FREM1: variants seen among roughly 807,000 people sequenced by gnomAD.
FREM1 encodes FRAS1 related extracellular matrix 1, also known as FRAS1-related extracellular matrix protein 1.
Under a neutral mutation model 210.1 loss-of-function variants are expected in FREM1, and 220 were observed. That is an observed-to-expected ratio of 1.05 (90% CI 0.94 to 1.17). The LOEUF (loss-of-function observed/expected upper bound fraction) is 1.17, where lower values mean the gene tolerates loss of function less well. FREM1 is among the 50% of genes most tolerant of loss of function. The pLI is 0.00. For missense variants in FREM1, 3,454 were observed against 2,675.5 expected, an observed-to-expected ratio of 1.29 and a Z score of -6.42; for synonymous variants, 1,189 against 980.2, an observed-to-expected ratio of 1.21 and a Z score of -3.98.
chr9:14,764,564 C>T (rs572776169), intron 27 of FREM1, among the ~76,000 whole-genome samples: 1 of 152,230 alleles, frequency 6.6e-6, no homozygotes, highest in South Asian at 2.1e-4. Context: ...CTAAGGCATG[C>T]GTGTAATTCT....
intron 1 of FREM1, among the ~76,000 whole-genome samples, chr9:14,894,006 A>T (rs561011472): frequency 6.6e-6 from 1 of 152,324 alleles, no homozygotes; most frequent in South Asian, 2.1e-4. Flanking sequence ...ATAAAAATTT[A>T]TGAGAATCTT....
At chr9:14,892,647 A>G (rs964000330) in intron 1 of FREM1, among the ~76,000 whole-genome samples, 3 of 152,204 alleles carry the variant, frequency 2.0e-5, no homozygotes, top group Middle Eastern at 6.8e-3. Flanking sequence ...AGGCATGTAC[A>G]GGATCATGGG....
chr9:14,745,091 C>T (rs1842180460), intron 35 of FREM1, among the ~76,000 whole-genome samples: 1 of 152,070 alleles, frequency 6.6e-6, no homozygotes, highest in Non-Finnish European at 1.5e-5. Flanking sequence ...TAGAGGGGAA[C>T]AACGCACAGT....
Position 14,807,334 on chromosome 9 carries a change from G to C in FREM1, c.3089-488C>G, listed in dbSNP as rs757125924. Among the ~76,000 whole-genome samples the C allele has an allele frequency of 8.8e-4, 134 of 152,164 alleles. 2 individuals carry two copies. The highest frequency in any genetic ancestry group is 5.5e-3 in the Admixed American group (84 of 15,296). The stretch of plus-strand genomic sequence containing the variant: ...TGCTCATAACGAAGAGTTTTTTCGT[G>C]GCTTGATGCTTAATTATTCTGCTGG... On this transcript the variant is annotated intron_variant, in intron 17 of 36. Coordinates refer to ENST00000380880, the MANE Select transcript of FREM1 (RefSeq NM_001379081.2).
intron 35 of FREM1, among the ~76,000 whole-genome samples, chr9:14,745,155 C>T (rs768597747): frequency 2.0e-5 from 3 of 152,172 alleles, no homozygotes; most frequent in African/African-American, 7.2e-5. Flanking sequence ...GGAAAAATCA[C>T]TAATGAGTAA....
intron 1 of FREM1, among the ~76,000 whole-genome samples, chr9:14,892,094 C>T (rs545482354): frequency 6.6e-6 from 1 of 152,248 alleles, no homozygotes; most frequent in South Asian, 2.1e-4. Flanking sequence ...TAAGAACTTT[C>T]TGAGTACCTA....
chr9:14,838,695 T>C (rs904624628), intron 10 of FREM1, among the ~76,000 whole-genome samples: 3 of 152,202 alleles, frequency 2.0e-5, no homozygotes, highest in Non-Finnish European at 4.4e-5. Context: ...AATAAGCAGT[T>C]TGTAAGGGTC....
chr9:14,785,455 T>C (rs1182703750), intron 23 of FREM1, among the ~76,000 whole-genome samples: 5 of 152,216 alleles, frequency 3.3e-5, no homozygotes, highest in Admixed American at 2.0e-4. Flanking sequence ...CAAATGTTCA[T>C]GATATATTTT....
At chr9:14,903,277 T>C (rs12337423) in intron 1 of FREM1, among the ~76,000 whole-genome samples, 25,136 of 152,206 alleles carry the variant, frequency 0.17, 2,303 homozygotes, top group Middle Eastern at 0.22. Flanking sequence ...AGCAGGAACC[T>C]GATATTCTTA....
chr9:14,798,638 G>T (rs753234776), intron 20 of FREM1, among the ~76,000 whole-genome samples: 12 of 151,946 alleles, frequency 7.9e-5, no homozygotes, highest in Non-Finnish European at 1.2e-4. Flanking sequence ...TCTATATGAT[G>T]ATTTTATAAG....
At chr9:14,844,610 G>A (rs1379865839) in intron 8 of FREM1, among the ~76,000 whole-genome samples, 5 of 152,192 alleles carry the variant, frequency 3.3e-5, no homozygotes, top group Admixed American at 2.0e-4. Context: ...AGGAATAAAC[G>A]ATTTAACACT....
intron 1 of FREM1, among the ~76,000 whole-genome samples, chr9:14,887,473 T>C (rs1490433746): frequency 6.6e-6 from 1 of 152,176 alleles, no homozygotes; most frequent in Non-Finnish European, 1.5e-5. Context: ...AGCAGATTCT[T>C]CTCTTTCAAG....
intron 19 of FREM1, among the ~76,000 whole-genome samples, chr9:14,803,799 T>G (rs990124897): frequency 2.0e-5 from 3 of 152,250 alleles, no homozygotes; most frequent in African/African-American, 4.8e-5. Context: ...GGATGCTGAT[T>G]TTCTTTTATC....
At chr9:14,845,821 A>G in intron 8 of FREM1, 139 bp downstream of exon 8, 1 of 829,538 alleles carries the variant, frequency 1.2e-6, no homozygotes, top group South Asian at 1.6e-5. Context: ...AATGATTTCA[A>G]GATCTCCAGA....
chr9:14,748,895 ACT>A (rs1357731256), intron 30 of FREM1, among the ~76,000 whole-genome samples: 1 of 152,204 alleles, frequency 6.6e-6, no homozygotes, highest in East Asian at 1.9e-4. Flanking sequence ...AATGAAAATC[ACT>A]GTTATGATTT....
intron 13 of FREM1, among the ~76,000 whole-genome samples, chr9:14,821,943 C>T (rs965797174): frequency 1.3e-5 from 2 of 152,166 alleles, no homozygotes; most frequent in Non-Finnish European, 2.9e-5. Flanking sequence ...TGTCCCTACC[C>T]AAATCTCACC....
intron 1 of FREM1, among the ~76,000 whole-genome samples, chr9:14,906,329 G>C (rs905067145): frequency 1.3e-5 from 2 of 152,106 alleles, no homozygotes; most frequent in African/African-American, 4.8e-5. Context: ...TTAACATTCC[G>C]GCCCTTGCGT....
intron 6 of FREM1, among the ~76,000 whole-genome samples, chr9:14,849,719 C>T (rs1488918542): frequency 6.6e-6 from 1 of 152,172 alleles, no homozygotes; most frequent in Non-Finnish European, 1.5e-5. Flanking sequence ...CCAGGGCTTC[C>T]AGTCCACACA....
intron 1 of FREM1, among the ~76,000 whole-genome samples, chr9:14,892,850 C>T (rs1237726782): frequency 6.6e-6 from 1 of 152,180 alleles, no homozygotes; most frequent in Non-Finnish European, 1.5e-5. Context: ...TCTCTCCTTT[C>T]CTTTTCCCGT....
Sources: allele counts gnomAD v4.1 joint callset (sites outside exome capture counted in the v4.1 genomes callset), GRCh38; gene constraint gnomAD v4.1.1; transcripts MANE v1.5; gene names NCBI Gene and HGNC (gene_info 2026-07-23, HGNC 2026-07-21).